ITGA11: variants seen among roughly 807,000 people sequenced by gnomAD.
ITGA11 encodes the protein integrin alpha-11.
Under a neutral mutation model 141.9 loss-of-function variants are expected in ITGA11, and 97 were observed. The ratio of observed to expected loss-of-function variants is 0.68; its 90% CI spans 0.58 to 0.81. The LOEUF is 0.81. Ranked by LOEUF, ITGA11 falls within the 30% of genes least tolerant of loss-of-function variation. The pLI, the probability that ITGA11 is intolerant of heterozygous loss-of-function variation, is 0.00. For missense variants in ITGA11, 1,387 were observed against 1,559.2 expected (o/e 0.89, Z 1.86); for synonymous variants, 658 against 624.6 (o/e 1.05, Z -0.80).
intron 9 of ITGA11, 130 bp downstream of exon 9, chr15:68,350,487 G>T (rs776488955): frequency 1.1e-6 from 1 of 872,118 alleles, no homozygotes; most frequent in South Asian, 2.0e-5. Context: ...ACCATGCCTG[G>T]CCTGGCATTT....
Position 68,298,247 on chromosome 15 carries a change from T to C in ITGA11, c.*4812A>G, listed in dbSNP as rs769896388. ...TTGTTGGCAAGTTTAGACAAAATTA[T>C]ATTTTCTAATTTGCCTGTGCTTTAG... On this transcript the variant is annotated 3_prime_UTR_variant, in exon 30 of 30. Transcript: ENST00000315757. The C allele has an allele frequency of 3.9e-5, 6 of 152,194 alleles. No individual in the cohort carries two copies. The highest frequency in any genetic ancestry group is 8.8e-5 in the Non-Finnish European group (6 of 68,036). The allele number at this position is 152,194 out of a possible 1,614,324, so 9.4% of individuals were successfully genotyped here.
At position 68,382,546 on chromosome 15, in the gene ITGA11, C is replaced by T. The variant is rs547543519; in HGVS notation, c.165-13262G>A. Reference sequence around the variant, plus strand: ...ACATCCAGACGTCTGGAACCATTCTCTCCCTCCCTTTCTTCTTCACCATCT... The same window carrying T: ...ACATCCAGACGTCTGGAACCATTCTTTCCCTCCCTTTCTTCTTCACCATCT... On this transcript the variant is annotated intron_variant, in intron 2 of 29. Coordinates refer to ENST00000315757, the MANE Select transcript of ITGA11 (RefSeq NM_001004439.2). Among the ~76,000 whole-genome samples, 10 of 152,362 alleles carry T rather than the reference C, an allele frequency of 6.6e-5. No homozygotes were observed. The East Asian group carries it at 1.9e-3, about 29-fold the overall frequency.
Position 68,332,384 on chromosome 15 carries a change from T to C in ITGA11, c.1520A>G (p.Asn507Ser), listed in dbSNP as rs753362848. 2.0e-5 allele frequency: 33 copies of C among 1,610,078 alleles called. No individual in the cohort carries two copies. Among genetic ancestry groups the C allele is most frequent in the Non-Finnish European group, 2.7e-5 (32 of 1,178,556 alleles). Residue 507 changes from asparagine to serine, a missense_variant, in exon 13 of 30, where the codon AAC becomes AGC. By Grantham distance (46) the Asn-to-Ser change is conservative. Transcript: ENST00000315757. ...CACCTTGCCTCGCTCACGGCCCTCG[T>C]TGAAGTACATGGGTGCGCCCACCAG... ...VLLVGAPMYF[N>S]EGRERGKVYV...
chr15:68,431,099 A>G (rs1897259047), intron 1 of ITGA11, among the ~76,000 whole-genome samples: 1 of 152,214 alleles, frequency 6.6e-6, no homozygotes, highest in African/African-American at 2.4e-5. Flanking sequence ...GCAGAACAGC[A>G]TCACTGGCAG....
chr15:68,355,779 A>T (rs201214612), intron 7 of ITGA11, among the ~76,000 whole-genome samples: 2,443 of 101,708 alleles, frequency 0.024, 59 homozygotes, highest in African/African-American at 0.07. Flanking sequence ...TTTTTTTTTT[A>T]AAAAACACGT....
In ITGA11 at chr15:68,307,276, AGAG is replaced by A; in HGVS notation, c.3381+69_3381+71del. 9.1e-7 allele frequency: 1 copy of A among 1,100,280 alleles called. No homozygotes were observed. The highest frequency in any genetic ancestry group is 1.6e-5 in the African/African-American group (1 of 64,144). 68.2% of individuals were successfully genotyped at this position (1,100,280 alleles called of 1,614,324 possible). On this transcript the variant is annotated intron_variant, in intron 28 of 29. Coordinates refer to ENST00000315757, the MANE Select transcript of ITGA11 (RefSeq NM_001004439.2). The surrounding 1 kb of genome is among the most constrained non-coding windows in gnomAD (Gnocchi z 6.1). ...GCCAGGGGTTGTAGGAAAACTCTAT[AGAG>A]GAGCACGGCCAACCCTTTCCCAAGC...
At chr15:68,400,444 T>C (rs1896440745) in intron 2 of ITGA11, among the ~76,000 whole-genome samples, 1 of 146,944 alleles carries the variant, frequency 6.8e-6, no homozygotes, top group Non-Finnish European at 1.5e-5. Flanking sequence ...TAAGGACTTC[T>C]GTTTATCAAA....
intron 7 of ITGA11, among the ~76,000 whole-genome samples, chr15:68,353,796 A>T (rs1363464091): frequency 2.0e-5 from 3 of 152,028 alleles, no homozygotes. Flanking sequence ...TCTGCTCAAA[A>T]CCTGCACAGG....
chr15:68,321,471 C>T lies in ITGA11; in HGVS notation c.2355G>A (p.Glu785=). Residue 785 remains glutamate, a synonymous_variant, in exon 19 of 30, where the codon GAG becomes GAA. Coordinates refer to ENST00000315757, the MANE Select transcript of ITGA11 (RefSeq NM_001004439.2). This position sits in a 1 kb window ranked among gnomAD's most constrained non-coding sequence, Gnocchi z 4.9. ...CCAACACAAGGTCAGGGACACAGTG[C>T]TCATCCTCATTGCAGCCGTTCCAGA... ...VPFWNGCNED[E]HCVPDLVLDA... 1 of 1,595,838 alleles carries T rather than the reference C, an allele frequency of 6.3e-7. No homozygotes were observed. The highest frequency in any genetic ancestry group is 1.1e-5 in the South Asian group (1 of 88,802).
chr15:68,422,606 C>A (rs901945082), intron 1 of ITGA11, among the ~76,000 whole-genome samples: 2 of 152,104 alleles, frequency 1.3e-5, no homozygotes, highest in Admixed American at 6.5e-5. Context: ...CCCTCAAAAA[C>A]CTTCCATGGC....
chr15:68,317,579 G>A (rs569110705), intron 20 of ITGA11, among the ~76,000 whole-genome samples: 5 of 152,162 alleles, frequency 3.3e-5, no homozygotes, highest in East Asian at 1.9e-4. Context: ...GGCATGACAC[G>A]GGGCGGGACA....
chr15:68,343,462 T>G (rs921546856), intron 10 of ITGA11, among the ~76,000 whole-genome samples: 2 of 152,166 alleles, frequency 1.3e-5, no homozygotes, highest in African/African-American at 4.8e-5. Context: ...CTCAGACAGG[T>G]CAAATGATTT....
chr15:68,386,971 T>C (rs1896000255), intron 2 of ITGA11, among the ~76,000 whole-genome samples: 1 of 151,624 alleles, frequency 6.6e-6, no homozygotes, highest in Non-Finnish European at 1.5e-5. Context: ...ATCTCACCCA[T>C]GTCTATCAGA....
At chr15:68,429,908 C>G (rs1196755616) in intron 1 of ITGA11, among the ~76,000 whole-genome samples, 1 of 152,196 alleles carries the variant, frequency 6.6e-6, no homozygotes, top group Non-Finnish European at 1.5e-5. Flanking sequence ...CCTTGCTTAT[C>G]TGGCTGAAAT....
At chr15:68,369,782 G>A (rs1362988547) in intron 2 of ITGA11, among the ~76,000 whole-genome samples, 1 of 152,200 alleles carries the variant, frequency 6.6e-6, no homozygotes, top group African/African-American at 2.4e-5. Context: ...GTGGGTCAGG[G>A]TGGACAAGGC....
intron 20 of ITGA11, among the ~76,000 whole-genome samples, chr15:68,318,308 A>G (rs1461194720): frequency 6.6e-6 from 1 of 152,112 alleles, no homozygotes; most frequent in African/African-American, 2.4e-5. Flanking sequence ...AACTATCTCC[A>G]TGATTCCCTC....
At chr15:68,349,026 G>A in intron 9 of ITGA11, 126 bp from the exon 10 acceptor site, 1 of 623,462 alleles carries the variant, frequency 1.6e-6, no homozygotes, top group East Asian at 3.1e-5. Flanking sequence ...CTCTTTCGAG[G>A]GGGGGCTCTG....
chr15:68,320,126 G>A, intron 20 of ITGA11, 59 bp downstream of exon 20: 1 of 1,469,918 alleles, frequency 6.8e-7, no homozygotes, highest in South Asian at 1.1e-5. Context: ...GAGCCCACCT[G>A]GCCTTCCTTT....
chr15:68,350,784 T>C lies in ITGA11; in HGVS notation c.895-2A>G. 1 of 1,611,208 alleles carries C rather than the reference T, an allele frequency of 6.2e-7. No individual in the cohort carries two copies. The highest frequency in any genetic ancestry group is 8.5e-7 in the Non-Finnish European group (1 of 1,178,374). ...CCTGCGGTTGTAGTAGCCCAGGACC[T>C]GCCAGGGAACAGGGGCAGGAACCAC... On this transcript the variant is annotated splice_acceptor_variant, in intron 8 of 29. Coordinates refer to ENST00000315757, the MANE Select transcript of ITGA11 (RefSeq NM_001004439.2). LOFTEE classifies it high-confidence loss of function.
Sources: allele counts gnomAD v4.1 joint callset (sites outside exome capture counted in the v4.1 genomes callset), GRCh38; gene constraint gnomAD v4.1.1; non-coding constraint Gnocchi (gnomAD v3.1); transcripts MANE v1.5; gene names NCBI Gene and HGNC (gene_info 2026-07-23, HGNC 2026-07-21).